TASOR: variants seen among roughly 807,000 people sequenced by gnomAD.
TASOR encodes transcription activation suppressor.
In TASOR, 53 loss-of-function variants were observed where a neutral mutation model predicts 178.6. The ratio of observed to expected loss-of-function variants is 0.30; its 90% CI spans 0.24 to 0.37. TASOR has a LOEUF of 0.37. Among genes scored for constraint, TASOR ranks in the 10% least tolerant of loss-of-function variants. The pLI is 1.00. For synonymous variants in TASOR, 713 were observed against 696.2 expected (o/e 1.02, Z -0.38); for missense variants, 1,815 against 1,971.4 (o/e 0.92, Z 1.50).
At chr3:56,652,238 A>G (rs2077367200) in intron 11 of TASOR, among the ~76,000 whole-genome samples, 1 of 152,208 alleles carries the variant, frequency 6.6e-6, no homozygotes, top group Non-Finnish European at 1.5e-5. Flanking sequence ...GATGTTGCAC[A>G]ACAGTGTGAA....
At chr3:56,630,443 A>G (rs904207929) in intron 18 of TASOR, among the ~76,000 whole-genome samples, 2 of 152,246 alleles carry the variant, frequency 1.3e-5, no homozygotes, top group African/African-American at 4.8e-5. Flanking sequence ...CAGATTCGTA[A>G]AACAAAGAAT....
rs114419302 is a variant in TASOR, at chr3:56,662,772, G to A, written c.1055-282C>T. ...CAGAAAAGTTGGGGAGCAAAGACAA[G>A]ATAATTATTCATCTCTTATTTCCTC... On this transcript the variant is annotated intron_variant, in intron 8 of 23. Coordinates refer to ENST00000683822, the MANE Select transcript of TASOR (RefSeq NM_001365635.2). Among the ~76,000 whole-genome samples, 568 of 152,296 alleles carry A rather than the reference G, an allele frequency of 3.7e-3. 6 individuals carry two copies. The highest frequency in any genetic ancestry group is 0.013 in the African/African-American group (551 of 41,584).
intron 11 of TASOR, among the ~76,000 whole-genome samples, chr3:56,650,440 A>T (rs1055853695): frequency 1.3e-5 from 2 of 152,120 alleles, no homozygotes; most frequent in African/African-American, 4.8e-5. Flanking sequence ...CCTGGTACTC[A>T]AGGAGGTTAT....
chr3:56,670,166 T>C, intron 3 of TASOR, 21 bp from the exon 4 acceptor site: 4 of 1,414,778 alleles, frequency 2.8e-6, no homozygotes, highest in Non-Finnish European at 3.8e-6. Flanking sequence ...AAAAAAATAC[T>C]TCATCTTGCA....
intron 13 of TASOR, 99 bp from the exon 14 acceptor site, chr3:56,647,322 T>TAATG: frequency 1.0e-6 from 1 of 953,308 alleles, no homozygotes; most frequent in Non-Finnish European, 1.5e-6. Context: ...ATAAAAACAT[T>TAATG]TATACATTAA....
intron 3 of TASOR, among the ~76,000 whole-genome samples, chr3:56,670,834 G>A (rs1214153902): frequency 6.7e-6 from 1 of 149,192 alleles, no homozygotes; most frequent in East Asian, 2.0e-4. Context: ...CTACTCGGGA[G>A]GCTGAGGCAC....
At chr3:56,631,535 AACAT>A (rs949674602) in intron 18 of TASOR, among the ~76,000 whole-genome samples, 2 of 151,986 alleles carry the variant, frequency 1.3e-5, no homozygotes, top group Non-Finnish European at 1.5e-5. Context: ...TCTATGTCTA[AACAT>A]ACAGACACAC....
chr3:56,641,830 A>T, intron 14 of TASOR, 78 bp from the exon 15 acceptor site: 1 of 1,405,416 alleles, frequency 7.1e-7, no homozygotes, highest in Non-Finnish European at 9.6e-7. Flanking sequence ...ATACCTAAAA[A>T]ATTATCATAA....
At chr3:56,624,668 G>A (rs2076760492) in intron 22 of TASOR, 25 bp from the exon 23 acceptor site, 4 of 1,591,362 alleles carry the variant, frequency 2.5e-6, no homozygotes, top group Non-Finnish European at 2.6e-6. Flanking sequence ...AAAGTTTCAT[G>A]TATGAAACAC....
intron 1 of TASOR, among the ~76,000 whole-genome samples, chr3:56,679,200 C>A (rs530705222): frequency 6.6e-6 from 1 of 152,156 alleles, no homozygotes; most frequent in Non-Finnish European, 1.5e-5. Context: ...TCCATTTGTT[C>A]TTCACAGTAA....
intron 14 of TASOR, among the ~76,000 whole-genome samples, chr3:56,645,905 T>C (rs979299165): frequency 6.6e-6 from 1 of 152,180 alleles, no homozygotes; most frequent in East Asian, 1.9e-4. Flanking sequence ...TCCCAGCACT[T>C]TGGGAGGCCG....
At chr3:56,656,356 G>A (rs1467946003) in intron 11 of TASOR, among the ~76,000 whole-genome samples, 2 of 152,180 alleles carry the variant, frequency 1.3e-5, no homozygotes, top group African/African-American at 2.4e-5. Context: ...GGGAGGTTGA[G>A]GCAGGCAGAT....
chr3:56,650,425 A>G (rs1259137824), intron 11 of TASOR, among the ~76,000 whole-genome samples: 3 of 152,198 alleles, frequency 2.0e-5, no homozygotes, highest in Non-Finnish European at 4.4e-5. Flanking sequence ...AATGAGTCTT[A>G]GATACCTGGT....
intron 7 of TASOR, 108 bp downstream of exon 7, chr3:56,666,152 T>TAAAA (rs34101168): frequency 2.3e-6 from 2 of 856,288 alleles, no homozygotes; most frequent in Non-Finnish European, 1.6e-6. Context: ...CAAGGGAAGT[T>TAAAA]AAAAAAAAAA....
rs1445980238 is a variant in TASOR at position 56,661,035 on chromosome 3, A to G, written c.1161-18T>C. 8 of 1,527,552 alleles carry G rather than the reference A, an allele frequency of 5.2e-6. No homozygotes were observed. The Middle Eastern group carries it at 6.2e-4, about 118-fold the overall frequency. The allele number at this position is 1,527,552 out of a possible 1,614,324, so 94.6% of individuals were successfully genotyped here. ...TCTCAGGTCTGAAAGAAAATTTTAA[A>G]AACATGTTTGCCTTATCTGTATTTT... On this transcript the variant is annotated intron_variant, in intron 9 of 23. Coordinates refer to ENST00000683822, the MANE Select transcript of TASOR (RefSeq NM_001365635.2).
At chr3:56,679,689 T>C (rs754151452) in intron 1 of TASOR, among the ~76,000 whole-genome samples, 12 of 152,280 alleles carry the variant, frequency 7.9e-5, no homozygotes, top group South Asian at 4.1e-4. Flanking sequence ...TTCCAGAAAG[T>C]GAATCATCGC....
At chr3:56,643,763 A>C (rs1559829027) in intron 14 of TASOR, among the ~76,000 whole-genome samples, 1 of 143,502 alleles carries the variant, frequency 7.0e-6, no homozygotes, top group African/African-American at 2.7e-5. Context: ...TCAAAAAAAA[A>C]AAAAACAAAA....
intron 5 of TASOR, 34 bp from the exon 6 acceptor site, chr3:56,668,592 A>C: frequency 7.1e-7 from 1 of 1,413,346 alleles, no homozygotes; most frequent in South Asian, 1.3e-5. Context: ...GTGTCTACCT[A>C]AACCTAATTG....
At chr3:56,623,951 G>A (rs546522995) in intron 23 of TASOR, 1 of 812,074 alleles carries the variant, frequency 1.2e-6, no homozygotes, top group South Asian at 2.1e-5. Flanking sequence ...CTAAATGAAT[G>A]ATCATTTCTG....
Sources: gnomAD v4.1 joint callset for allele counts (sites outside exome capture counted in the v4.1 genomes callset) on GRCh38, gnomAD v4.1.1 for gene constraint, MANE v1.5 for transcripts, NCBI Gene and HGNC (gene_info 2026-07-23, HGNC 2026-07-21) for gene names.